The following TBC1D20 variants were observed in gnomAD, a reference collection of about 807,000 sequenced individuals.
The protein encoded by TBC1D20 is TBC1 domain family member 20.
Under a neutral mutation model 41.6 loss-of-function variants are expected in TBC1D20, and 12 were observed. The observed-to-expected ratio is 0.29, with a 90% CI of 0.18 to 0.47. The LOEUF (loss-of-function observed/expected upper bound fraction) is 0.47, where lower values mean the gene tolerates loss of function less well. Ranked by LOEUF, TBC1D20 falls within the 20% of genes least tolerant of loss-of-function variation. The probability of loss-of-function intolerance (pLI) is 1.00; values close to 1 mark genes in which losing one functional copy is unlikely to be tolerated. For missense variants in TBC1D20, 421 were observed against 517.4 expected (o/e 0.81, Z 1.81); for synonymous variants, 205 against 204.8 (o/e 1.00, Z -0.01).
chr20:442,354 A>C (rs1204206812), intron 3 of TBC1D20, among the ~76,000 whole-genome samples: 1 of 152,210 alleles, frequency 6.6e-6, no homozygotes, highest in Non-Finnish European at 1.5e-5. Context: ...GAGGTGATGC[A>C]CTGACAGAGC....
rs2017372636 is a variant in TBC1D20, at chr20:448,134, A to G, written c.71-60T>C. 6 of 1,266,714 alleles carry G rather than the reference A, an allele frequency of 4.7e-6. No individual in the cohort carries two copies. The African/African-American group carries it at 8.8e-5, about 19-fold the overall frequency. The allele number at this position is 1,266,714 out of a possible 1,614,324, so 78.5% of individuals were successfully genotyped here. A position where few individuals can be genotyped will look rare whatever the true frequency, so the allele number is the denominator to read the frequency against. On this transcript the variant is annotated intron_variant, in intron 1 of 7. Coordinates refer to ENST00000354200, the MANE Select transcript of TBC1D20 (RefSeq NM_144628.4). ...TTCAGCACGTGCATATTTTCTGCCT[A>G]GGACTCAAGCTCCTTTTTGATATGA...
In TBC1D20 at chr20:435,767, C is replaced by G. The variant is rs1346063626; in HGVS notation, c.*2819G>C. On this transcript the variant is annotated 3_prime_UTR_variant, in exon 8 of 8. Transcript: ENST00000354200. Reference sequence around the variant, plus strand: ...GCAGCTGTGTTGAGATGAAACTGGACAAAAAGCATAAGGTCTAAACCCAGC... The same window carrying G: ...GCAGCTGTGTTGAGATGAAACTGGAGAAAAAGCATAAGGTCTAAACCCAGC... The G allele has an allele frequency of 6.6e-6, 1 of 152,534 alleles. No individual in the cohort carries two copies. 9.4% of individuals were successfully genotyped at this position (152,534 alleles called of 1,614,324 possible). A position where few individuals can be genotyped will look rare whatever the true frequency, so the allele number is the denominator to read the frequency against.
At chr20:440,605 A>G (rs1028688059) in intron 5 of TBC1D20, 6 of 536,614 alleles carry the variant, frequency 1.1e-5, no homozygotes, top group Non-Finnish European at 1.9e-5. Context: ...TGGCTGCTTT[A>G]TCTCACTGGG....
At chr20:453,692 C>G (rs1185135193) in intron 1 of TBC1D20, among the ~76,000 whole-genome samples, 1 of 145,256 alleles carries the variant, frequency 6.9e-6, no homozygotes, top group South Asian at 2.2e-4. Flanking sequence ...ATTACGGGCA[C>G]GTGCCACCAT....
intron 1 of TBC1D20, among the ~76,000 whole-genome samples, chr20:452,187 A>G (rs1360280146): frequency 6.6e-6 from 1 of 152,174 alleles, no homozygotes; most frequent in African/African-American, 2.4e-5. Context: ...CACGCCTGTA[A>G]TCCCAGCTAC....
chr20:460,967 A>T (rs2017619479), intron 1 of TBC1D20, among the ~76,000 whole-genome samples: 1 of 152,222 alleles, frequency 6.6e-6, no homozygotes, highest in Non-Finnish European at 1.5e-5. Flanking sequence ...AAACACCAGT[A>T]ATTAAAGGGT....
At chr20:455,754 G>A (rs964906557) in intron 1 of TBC1D20, among the ~76,000 whole-genome samples, 4 of 151,212 alleles carry the variant, frequency 2.6e-5, no homozygotes, top group East Asian at 3.9e-4. Context: ...CCAACATGGC[G>A]AAACCCCGTC....
intron 5 of TBC1D20, chr20:440,628 G>T: frequency 2.3e-6 from 1 of 438,680 alleles, no homozygotes; most frequent in Non-Finnish European, 4.0e-6. Flanking sequence ...CTCGCCTACT[G>T]GCCAACAAAT....
At chr20:454,311 C>T (rs929970962) in intron 1 of TBC1D20, among the ~76,000 whole-genome samples, 11 of 147,648 alleles carry the variant, frequency 7.5e-5, no homozygotes, top group African/African-American at 2.5e-4. Flanking sequence ...AAAAAGTGTA[C>T]GAGTTGCCTT....
rs547085211 is a variant in TBC1D20 at position 457,225 on chromosome 20, C to T, written c.70+5111G>A. Among the ~76,000 whole-genome samples the T allele has an allele frequency of 9.2e-5, 14 of 152,156 alleles. No homozygotes were observed. The East Asian group carries it at 1.9e-3, about 21-fold the overall frequency. On this transcript the variant is annotated intron_variant, in intron 1 of 7. Transcript: ENST00000354200. Reference sequence around the variant, plus strand: ...TGCTAGGATTACAGGCATGAGCCACCGCATCTGGCCCTTCTTTTTAATTTT... The same window carrying T: ...TGCTAGGATTACAGGCATGAGCCACTGCATCTGGCCCTTCTTTTTAATTTT...
At chr20:460,108 CTGAT>C (rs1402827825) in intron 1 of TBC1D20, among the ~76,000 whole-genome samples, 3 of 151,872 alleles carry the variant, frequency 2.0e-5, no homozygotes, top group African/African-American at 7.3e-5. Flanking sequence ...AAATTCCATA[CTGAT>C]TATTTGGTTT....
intron 1 of TBC1D20, among the ~76,000 whole-genome samples, chr20:460,746 C>A (rs575997998): frequency 1.3e-5 from 2 of 152,256 alleles, no homozygotes; most frequent in East Asian, 3.9e-4. Flanking sequence ...AGTAACTTTG[C>A]CAACAATACT....
chr20:444,099 C>T (rs1447975270), intron 3 of TBC1D20, among the ~76,000 whole-genome samples: 3 of 151,278 alleles, frequency 2.0e-5, no homozygotes, highest in Non-Finnish European at 2.9e-5. Context: ...CCATTGCACT[C>T]CAGCCTGCAA....
chr20:449,037 A>G (rs1430021063), intron 1 of TBC1D20, among the ~76,000 whole-genome samples: 1 of 150,382 alleles, frequency 6.6e-6, no homozygotes, highest in Non-Finnish European at 1.5e-5. Context: ...TAGCAGAGAT[A>G]GCGTTCACAA....
In TBC1D20 at chr20:438,669, C is replaced by T; in HGVS notation, c.1129G>A (p.Val377Met). Residue 377 changes from valine (V) to methionine (M), a missense_variant, in exon 8 of 8, where the codon GTG becomes ATG. Val to Met is a conservative substitution (Grantham distance 21). Around this residue, in one of 3 missense-constraint regions of TBC1D20, gnomAD observed 161 missense variants for 182.7 expected, o/e 0.88. Coordinates refer to ENST00000354200, the MANE Select transcript of TBC1D20 (RefSeq NM_144628.4). ...GCCAGTGCAGCCGCTCCAAGTGCCA[C>T]TGTCAGCCCCATCACTGCCAATTTC... ...FVKLAVMGLT[V>M]ALGAAALAVV... 1 of 1,614,252 alleles carries T rather than the reference C, an allele frequency of 6.2e-7. No homozygotes were observed. Among genetic ancestry groups the T allele is most frequent in the Non-Finnish European group, 8.5e-7 (1 of 1,180,046 alleles).
intron 1 of TBC1D20, among the ~76,000 whole-genome samples, chr20:451,496 C>T (rs1421746667): frequency 6.6e-6 from 1 of 151,956 alleles, no homozygotes; most frequent in Admixed American, 6.6e-5. Flanking sequence ...TATAGTGAGC[C>T]GAGATAGCGT....
intron 2 of TBC1D20, among the ~76,000 whole-genome samples, chr20:445,970 A>G (rs575728706): frequency 6.6e-6 from 1 of 152,380 alleles, no homozygotes; most frequent in South Asian, 2.1e-4. Flanking sequence ...GAAGCAGCCA[A>G]TTCCAAGGAT....
chr20:462,311 C>A, intron 1 of TBC1D20, 25 bp downstream of exon 1: 1 of 1,276,368 alleles, frequency 7.8e-7, no homozygotes, highest in South Asian at 2.1e-5. Context: ...CAGGCCGCTC[C>A]CGGCGCCCCG....
Position 446,701 on chromosome 20 carries a change from A to T in TBC1D20, c.256+1188T>A, listed in dbSNP as rs1333357500. Among the ~76,000 whole-genome samples, 5 of 151,926 alleles carry T rather than the reference A, an allele frequency of 3.3e-5. No homozygotes were observed. The East Asian group carries it at 9.7e-4, about 29-fold the overall frequency. ...TTACTTTTAGAGATTGGATCTTGCC[A>T]TGTTGCCCAGGCTGGCCTCAAACTC... On this transcript the variant is annotated intron_variant, in intron 2 of 7. Coordinates refer to ENST00000354200, the MANE Select transcript of TBC1D20 (RefSeq NM_144628.4).
Sources: gnomAD v4.1 joint callset for allele counts (sites outside exome capture counted in the v4.1 genomes callset) on GRCh38, gnomAD v4.1.1 for gene constraint, gnomAD v4.1.1 regional missense constraint, MANE v1.5 for transcripts, NCBI Gene and HGNC (gene_info 2026-07-23, HGNC 2026-07-21) for gene names.